Variants in EPHA5 observed in about 807,000 individuals in gnomAD.
EPHA5 encodes the protein ephrin type-A receptor 5.
A neutral mutation model predicts 105.0 loss-of-function variants in EPHA5; 60 were observed. The ratio of observed to expected loss-of-function variants is 0.57; its 90% CI spans 0.46 to 0.71. EPHA5 has a LOEUF of 0.71. Ranked by LOEUF, EPHA5 falls within the 30% of genes least tolerant of loss-of-function variation. The pLI is 0.00. For missense variants in EPHA5, 1,218 were observed against 1,274.7 expected (o/e 0.96, Z 0.68); for synonymous variants, 513 against 449.1 (o/e 1.14, Z -1.80).
At chr4:65,330,785 A>G in intron 16 of EPHA5, 1 of 1,026,254 alleles carries the variant, frequency 9.7e-7, no homozygotes, top group Non-Finnish European at 1.2e-6. Flanking sequence ...GAGTGTCCAA[A>G]GAAATAATGG....
chr4:65,510,866 C>T lies in EPHA5; in HGVS notation c.911-15323G>A, dbSNP rs140805237. 8.0e-4 allele frequency among the ~76,000 whole-genome samples: 122 copies of T among 152,332 alleles called. 1 individual carries two copies. The highest frequency in any genetic ancestry group is 2.6e-3 in the African/African-American group (109 of 41,584). ...TATAGGTAATTCCAAAAAGCTGTAT[C>T]TCCCAACTTGGTGGCATTTGAAGAT... is the stretch of plus-strand genomic sequence containing the variant. On this transcript the variant is annotated intron_variant, in intron 3 of 16. Coordinates refer to ENST00000613740, the MANE Select transcript of EPHA5 (RefSeq NM_001281766.3).
rs781086888 is a variant in EPHA5 at position 65,649,027 on chromosome 4, T to G, written c.182-5600A>C. On this transcript the variant is annotated intron_variant, in intron 1 of 16. Transcript: ENST00000613740. ...ATGTAGATTTCTGGCATCCCTTGAC[T>G]GGAAGGCAGGAAGCCATAGCCAACT... Among the ~76,000 whole-genome samples the G allele has an allele frequency of 1.2e-3, 190 of 152,334 alleles. 1 individual carries two copies. Among genetic ancestry groups the G allele is most frequent in the Non-Finnish European group, 2.1e-3 (145 of 68,020 alleles).
chr4:65,616,879 A>G (rs1745286457), intron 2 of EPHA5, among the ~76,000 whole-genome samples: 1 of 152,084 alleles, frequency 6.6e-6, no homozygotes, highest in Non-Finnish European at 1.5e-5. Context: ...GGGAAACAAC[A>G]ATGAAGCTCT....
At chr4:65,522,114 A>G (rs1399173734) in intron 3 of EPHA5, among the ~76,000 whole-genome samples, 3 of 151,870 alleles carry the variant, frequency 2.0e-5, no homozygotes, top group Admixed American at 1.3e-4. Flanking sequence ...AAAATATGCC[A>G]GAAGTGTTGG....
At chr4:65,430,141 T>G (rs1424468091) in intron 5 of EPHA5, among the ~76,000 whole-genome samples, 8 of 152,050 alleles carry the variant, frequency 5.3e-5, no homozygotes, top group Non-Finnish European at 1.2e-4. Flanking sequence ...GTGGGAAATA[T>G]CTGCTGCTCA....
At chr4:65,651,555 C>T (rs1040937522) in intron 1 of EPHA5, among the ~76,000 whole-genome samples, 1 of 152,020 alleles carries the variant, frequency 6.6e-6, no homozygotes, top group African/African-American at 2.4e-5. Context: ...GAAATGATTC[C>T]TAAAAGAGAT....
chr4:65,423,746 A>G (rs888412137), intron 5 of EPHA5, among the ~76,000 whole-genome samples: 4 of 149,848 alleles, frequency 2.7e-5, no homozygotes, highest in African/African-American at 9.9e-5. Flanking sequence ...TTGCTTATTC[A>G]CTGCTCCAGT....
intron 1 of EPHA5, among the ~76,000 whole-genome samples, chr4:65,664,821 GA>G (rs914313385): frequency 9.2e-5 from 14 of 151,636 alleles, no homozygotes; most frequent in African/African-American, 2.9e-4. Flanking sequence ...CACTCTTTCT[GA>G]AAAGAAAAAT....
At chr4:65,446,236 G>A (rs1726515377) in intron 5 of EPHA5, among the ~76,000 whole-genome samples, 1 of 151,992 alleles carries the variant, frequency 6.6e-6, no homozygotes, top group Non-Finnish European at 1.5e-5. Flanking sequence ...TATTATCTTT[G>A]CTTTATTGTC....
chr4:65,598,022 A>C (rs143460952), intron 3 of EPHA5, among the ~76,000 whole-genome samples: 1,916 of 152,290 alleles, frequency 0.013, 43 homozygotes, highest in African/African-American at 0.043. Flanking sequence ...CAGACTAAGA[A>C]ATATTAACAT....
chr4:65,391,973 C>T (rs995973424), intron 8 of EPHA5, among the ~76,000 whole-genome samples: 4 of 152,078 alleles, frequency 2.6e-5, no homozygotes, highest in African/African-American at 7.2e-5. Context: ...ACTTCCTGAG[C>T]ATTGCAGCAT....
intron 5 of EPHA5, among the ~76,000 whole-genome samples, chr4:65,476,398 C>A (rs1387994394): frequency 2.0e-5 from 3 of 151,962 alleles, no homozygotes; most frequent in Non-Finnish European, 1.5e-5. Flanking sequence ...GAACACTACA[C>A]AGCCACAAAA....
At chr4:65,613,498 A>G (rs1044585422) in intron 2 of EPHA5, among the ~76,000 whole-genome samples, 2 of 152,004 alleles carry the variant, frequency 1.3e-5, no homozygotes, top group Non-Finnish European at 2.9e-5. Context: ...GATTCTTCCA[A>G]TCCATAAGAA....
intron 1 of EPHA5, among the ~76,000 whole-genome samples, chr4:65,665,878 G>A (rs1375914747): frequency 2.0e-5 from 3 of 152,080 alleles, no homozygotes; most frequent in East Asian, 1.9e-4. Flanking sequence ...TTCAAATAGG[G>A]GTAATAGCTC....
intron 5 of EPHA5, among the ~76,000 whole-genome samples, chr4:65,474,413 A>C (rs1729597379): frequency 6.6e-6 from 1 of 152,170 alleles, no homozygotes; most frequent in African/African-American, 2.4e-5. Flanking sequence ...TGTTATATTT[A>C]TATTTTGTTC....
At chr4:65,598,252 C>T (rs917073608) in intron 3 of EPHA5, among the ~76,000 whole-genome samples, 1 of 151,982 alleles carries the variant, frequency 6.6e-6, no homozygotes, top group Non-Finnish European at 1.5e-5. Flanking sequence ...TGACTTAATA[C>T]CTTGAATATG....
chr4:65,462,846 T>C (rs1728255952), intron 5 of EPHA5, among the ~76,000 whole-genome samples: 1 of 152,172 alleles, frequency 6.6e-6, no homozygotes. Flanking sequence ...TTTAAAGGTA[T>C]CTGGCCATAT....
At position 65,670,286 on chromosome 4, in the gene EPHA5, GTTC is replaced by G. The variant is rs1169015383; in HGVS notation, c.-547_-545del. ...CAGCGAGCAAAAGCAAAGATCCAGAGTTCAAAGAGACTGGCAGAAGGAAATAGC... is the reference window on the plus strand; with the variant it reads ...CAGCGAGCAAAAGCAAAGATCCAGAGAAAGAGACTGGCAGAAGGAAATAGC... On this transcript the variant is annotated 5_prime_UTR_variant, in exon 1 of 17. Transcript: ENST00000613740. 2.6e-5 allele frequency: 6 copies of G among 233,720 alleles called. No homozygotes were observed. The highest frequency in any genetic ancestry group is 4.2e-5 in the Non-Finnish European group (5 of 118,474). The allele number at this position is 233,720 out of a possible 1,614,324, so 14.5% of individuals were successfully genotyped here. A position where few individuals can be genotyped will look rare whatever the true frequency, so the allele number is the denominator to read the frequency against.
intron 1 of EPHA5, among the ~76,000 whole-genome samples, chr4:65,656,989 C>T (rs917486177): frequency 2.7e-5 from 4 of 145,998 alleles, no homozygotes; most frequent in Non-Finnish European, 4.5e-5. Flanking sequence ...TCATTTAAAA[C>T]GCTAACCAGA....
Sources: gnomAD v4.1 joint callset for allele counts (sites outside exome capture counted in the v4.1 genomes callset) on GRCh38, gnomAD v4.1.1 for gene constraint, MANE v1.5 for transcripts, NCBI Gene and HGNC (gene_info 2026-07-23, HGNC 2026-07-21) for gene names.